Variants in WWOX observed in about 807,000 individuals in gnomAD.
The protein encoded by WWOX is WW domain containing oxidoreductase, also known as WW domain-containing oxidoreductase.
Under a neutral mutation model 46.2 loss-of-function variants are expected in WWOX, and 69 were observed. The ratio of observed to expected loss-of-function variants is 1.49; its 90% CI spans 1.23 to 1.82. The LOEUF is 1.82. WWOX is among the 40% of genes most tolerant of loss of function. WWOX has a pLI of 0.00. For synonymous variants in WWOX, 359 were observed against 202.6 expected (o/e 1.77, Z -6.56); for missense variants, 919 against 542.6 (o/e 1.69, Z -6.89).
chr16:79,189,551 T>G (rs1462625194), intron 8 of WWOX, among the ~76,000 whole-genome samples: 1 of 151,840 alleles, frequency 6.6e-6, no homozygotes, highest in Non-Finnish European at 1.5e-5. Flanking sequence ...TCCTCCTACC[T>G]TGGCCTCTCA....
At chr16:79,166,134 T>A (rs2150759277) in intron 8 of WWOX, among the ~76,000 whole-genome samples, 1 of 152,306 alleles carries the variant, frequency 6.6e-6, no homozygotes, top group African/African-American at 2.4e-5. Context: ...AGTCCATTCT[T>A]GACTTTTTTT....
chr16:78,692,785 T>G (rs184811475), intron 8 of WWOX, among the ~76,000 whole-genome samples: 1 of 152,238 alleles, frequency 6.6e-6, no homozygotes, highest in African/African-American at 2.4e-5. Context: ...TTGGGGGTAC[T>G]GATACCAGAG....
intron 8 of WWOX, among the ~76,000 whole-genome samples, chr16:78,816,502 CTTTTTTTTTTTTTTT>C (rs55814418): frequency 2.1e-4 from 9 of 42,090 alleles, no homozygotes; most frequent in African/African-American, 7.3e-4. Flanking sequence ...AGGAGCCACT[CTTTTTTTTTTTTTTT>C]TTTTTTTTTT....
At chr16:78,261,312 T>TAC (rs1567464079) in intron 5 of WWOX, among the ~76,000 whole-genome samples, 9 of 150,822 alleles carry the variant, frequency 6.0e-5, no homozygotes, top group Non-Finnish European at 1.2e-4. Flanking sequence ...CATACATACA[T>TAC]ATAAAATTAG....
chr16:78,545,808 G>A (rs747952638), intron 8 of WWOX, among the ~76,000 whole-genome samples: 8 of 152,140 alleles, frequency 5.3e-5, no homozygotes, highest in South Asian at 2.1e-4. Context: ...GCAGACGGCC[G>A]CCTTCTTGCT....
chr16:78,313,280 C>T (rs954201675), intron 5 of WWOX, among the ~76,000 whole-genome samples: 2 of 152,162 alleles, frequency 1.3e-5, no homozygotes, highest in African/African-American at 4.8e-5. Context: ...TATAACTCAC[C>T]CTGTATTATA....
intron 5 of WWOX, among the ~76,000 whole-genome samples, chr16:78,337,204 A>G (rs534310860): frequency 6.6e-6 from 1 of 152,224 alleles, no homozygotes; most frequent in Non-Finnish European, 1.5e-5. Context: ...GTTATTAGCA[A>G]ATCCCTCAAT....
At chr16:78,505,272 A>G (rs1300379957) in intron 8 of WWOX, among the ~76,000 whole-genome samples, 2 of 152,190 alleles carry the variant, frequency 1.3e-5, no homozygotes, top group Non-Finnish European at 2.9e-5. Context: ...TTTTCTGTTT[A>G]TATTATTTCA....
chr16:78,423,010 C>G (rs529043753), intron 6 of WWOX, among the ~76,000 whole-genome samples: 33 of 151,722 alleles, frequency 2.2e-4, no homozygotes, highest in African/African-American at 8.0e-4. Context: ...CTTAGCCTCC[C>G]AAGTAGCTGG....
At chr16:79,116,696 G>T (rs1567560738) in intron 8 of WWOX, among the ~76,000 whole-genome samples, 1 of 152,002 alleles carries the variant, frequency 6.6e-6, no homozygotes, top group African/African-American at 2.4e-5. Context: ...GAACCCCTCA[G>T]AGTCACCCAA....
At chr16:78,414,428 G>C (rs533346797) in intron 6 of WWOX, among the ~76,000 whole-genome samples, 9 of 152,126 alleles carry the variant, frequency 5.9e-5, no homozygotes, top group Non-Finnish European at 1.0e-4. Flanking sequence ...AATTAGCTGG[G>C]CATGGTGCTG....
chr16:78,554,557 A>G (rs1047765577), intron 8 of WWOX, among the ~76,000 whole-genome samples: 1 of 152,230 alleles, frequency 6.6e-6, no homozygotes, highest in Non-Finnish European at 1.5e-5. Flanking sequence ...ATGTACATAT[A>G]TTGTATGATA....
At chr16:78,427,875 C>A (rs1442226265) in intron 7 of WWOX, among the ~76,000 whole-genome samples, 2 of 152,162 alleles carry the variant, frequency 1.3e-5, no homozygotes, top group African/African-American at 4.8e-5. Flanking sequence ...CGAGATCAGC[C>A]TAGCCAGCAT....
chr16:78,667,606 G>C (rs960637335), intron 8 of WWOX, among the ~76,000 whole-genome samples: 3 of 147,812 alleles, frequency 2.0e-5, no homozygotes, highest in South Asian at 2.1e-4. Flanking sequence ...GGGAGGCAGA[G>C]GTAGCAGTGA....
chr16:79,140,649 C>T (rs954916312), intron 8 of WWOX, among the ~76,000 whole-genome samples: 5 of 152,228 alleles, frequency 3.3e-5, no homozygotes, highest in African/African-American at 9.6e-5. Flanking sequence ...AGAAGCGCTG[C>T]TCCCAATTCT....
chr16:78,860,070 C>T (rs2052680457), intron 8 of WWOX, among the ~76,000 whole-genome samples: 1 of 152,126 alleles, frequency 6.6e-6, no homozygotes, highest in South Asian at 2.1e-4. Context: ...TTTCTAGCCG[C>T]ATATTAGCAT....
chr16:78,967,376 C>G (rs1249024326), intron 8 of WWOX, among the ~76,000 whole-genome samples: 1 of 143,808 alleles, frequency 7.0e-6, no homozygotes, highest in Admixed American at 7.2e-5. Context: ...TGCAGCCTCC[C>G]GGGCTCAAGC....
intron 4 of WWOX, among the ~76,000 whole-genome samples, chr16:78,159,243 T>G (rs1386030487): frequency 6.6e-6 from 1 of 152,158 alleles, no homozygotes; most frequent in Non-Finnish European, 1.5e-5. Context: ...TCTTGGCTAG[T>G]ATGAATAATG....
chr16:78,795,764 C>T (rs1239265176), intron 8 of WWOX, among the ~76,000 whole-genome samples: 1 of 151,974 alleles, frequency 6.6e-6, no homozygotes, highest in Admixed American at 6.6e-5. Flanking sequence ...TAAATGGGGA[C>T]AATACTGACA....
Sources: allele counts gnomAD v4.1 joint callset (sites outside exome capture counted in the v4.1 genomes callset), GRCh38; gene constraint gnomAD v4.1.1; transcripts MANE v1.5; gene names NCBI Gene and HGNC (gene_info 2026-07-23, HGNC 2026-07-21).